The following ZDHHC5 variants were observed in gnomAD, a reference collection of about 807,000 sequenced individuals.
The protein encoded by ZDHHC5 is palmitoyltransferase ZDHHC5.
Under a neutral mutation model 70.0 loss-of-function variants are expected in ZDHHC5, and 22 were observed. That is an observed-to-expected ratio of 0.31 (90% CI 0.22 to 0.45). ZDHHC5 has a LOEUF of 0.45. Ranked by LOEUF, ZDHHC5 falls within the 20% of genes least tolerant of loss-of-function variation. The probability of loss-of-function intolerance (pLI) is 1.00; values close to 1 mark genes in which losing one functional copy is unlikely to be tolerated. For synonymous variants in ZDHHC5, 313 were observed against 347.8 expected (o/e 0.90, Z 1.11); for missense variants, 746 against 926.9 (o/e 0.80, Z 2.53).
In ZDHHC5 at chr11:57,695,999, G is replaced by A. The variant is rs1292080932; in HGVS notation, c.965G>A (p.Arg322His). 10 of 1,614,036 alleles carry A rather than the reference G, an allele frequency of 6.2e-6. No individual in the cohort carries two copies. The highest frequency in any genetic ancestry group is 1.6e-4 in the Middle Eastern group (1 of 6,062). Residue 322 changes from arginine to histidine, a missense_variant, in exon 9 of 12, where the codon CGT becomes CAT. By Grantham distance (29) the Arg-to-His change is conservative. Transcript: ENST00000287169. ...CCTCCTCCTAAGCCAGACCTGAGCCGTTACACAGGGTTGCGAACACACCTC... is the reference window on the plus strand; with the variant it reads ...CCTCCTCCTAAGCCAGACCTGAGCCATTACACAGGGTTGCGAACACACCTC... Reference protein sequence around the residue: ...PPPPPKPDLSRYTGLRTHLGL... With the variant: ...PPPPPKPDLSHYTGLRTHLGL...
intron 2 of ZDHHC5, among the ~76,000 whole-genome samples, chr11:57,681,974 A>G (rs1407772996): frequency 6.6e-6 from 1 of 152,240 alleles, no homozygotes; most frequent in African/African-American, 2.4e-5. Flanking sequence ...CTAGAAAGGT[A>G]GGTGGTATCC....
intron 3 of ZDHHC5, among the ~76,000 whole-genome samples, chr11:57,683,998 G>A (rs908946386): frequency 6.3e-5 from 9 of 142,566 alleles, no homozygotes; most frequent in African/African-American, 2.1e-4. Context: ...TTGAGACAGC[G>A]TCTCACTCTG....
At chr11:57,689,303 A>T (rs1036786345) in intron 4 of ZDHHC5, among the ~76,000 whole-genome samples, 1 of 152,136 alleles carries the variant, frequency 6.6e-6, no homozygotes, top group Non-Finnish European at 1.5e-5. Flanking sequence ...AACCTCTGAC[A>T]TTCGTCACTT....
rs755071307 is a variant in ZDHHC5 at position 57,699,417 on chromosome 11, A to C, written c.1981A>C (p.Lys661Gln). 8.3e-6 allele frequency: 13 copies of C among 1,565,664 alleles called. No homozygotes were observed. In the East Asian group the frequency reaches 1.6e-4, roughly 19 times the overall value. Residue 661 changes from lysine to glutamine, a missense_variant and splice_region_variant, in exon 11 of 12, where the codon AAA becomes CAA. This residue lies in a region of ZDHHC5 where 340 missense variants were observed against 350.1 expected (regional missense o/e 0.97). Coordinates refer to ENST00000287169, the MANE Select transcript of ZDHHC5 (RefSeq NM_015457.3). ...GGCCTTGCAGCCATTACTGACACCCAAGTAAGTATTAGTACTATCCTGACC... is the reference window on the plus strand; with the variant it reads ...GGCCTTGCAGCCATTACTGACACCCCAGTAAGTATTAGTACTATCCTGACC... ...EVALQPLLTP[K>Q]DEVQLKTTYS...
chr11:57,695,065 C>G (rs1008412254), intron 8 of ZDHHC5, among the ~76,000 whole-genome samples: 1 of 152,092 alleles, frequency 6.6e-6, no homozygotes, highest in Non-Finnish European at 1.5e-5. Context: ...GAGCTCGAGA[C>G]CAGCCTGACC....
chr11:57,669,864 A>T (rs1243668236), intron 1 of ZDHHC5, among the ~76,000 whole-genome samples: 2 of 152,226 alleles, frequency 1.3e-5, no homozygotes, highest in Non-Finnish European at 2.9e-5. Context: ...TCTGCAGCAC[A>T]TTCTTTTGCT....
At chr11:57,681,545 G>A (rs1245255837) in intron 2 of ZDHHC5, 3 of 152,196 alleles carry the variant, frequency 2.0e-5, no homozygotes, top group Non-Finnish European at 2.9e-5. Flanking sequence ...CAGCTCCCAG[G>A]AAATCAGCAG....
Position 57,699,116 on chromosome 11 carries a change from T to A in ZDHHC5, c.1680T>A (p.Arg560=), listed in dbSNP as rs746936322. ...GCCAGTCACCCCCACTCCCGGGCCG[T>A]GAGGAAGAACCAGGCTTGGGGGACT... is the stretch of plus-strand genomic sequence containing the variant. ...LLRQSPPLPG[R]EEEPGLGDSG... Residue 560 remains arginine, a synonymous_variant, in exon 11 of 12, where the codon CGT becomes CGA. Coordinates refer to ENST00000287169, the MANE Select transcript of ZDHHC5 (RefSeq NM_015457.3). The A allele has an allele frequency of 5.1e-5, 83 of 1,613,914 alleles. No individual in the cohort carries two copies. The highest frequency in any genetic ancestry group is 7.0e-5 in the Non-Finnish European group (83 of 1,179,974).
chr11:57,674,161 C>T (rs1364179511), intron 2 of ZDHHC5, among the ~76,000 whole-genome samples: 4 of 152,086 alleles, frequency 2.6e-5, no homozygotes, highest in African/African-American at 7.2e-5. Flanking sequence ...CAGTAATTTT[C>T]CCATTACTTG....
At chr11:57,670,637 A>G (rs1037913815) in intron 1 of ZDHHC5, among the ~76,000 whole-genome samples, 8 of 152,078 alleles carry the variant, frequency 5.3e-5, no homozygotes, top group Non-Finnish European at 8.8e-5. Flanking sequence ...CTAGGACTAT[A>G]ACAGTTTCTT....
intron 8 of ZDHHC5, among the ~76,000 whole-genome samples, chr11:57,695,419 CA>C (rs1048034452): frequency 1.0e-4 from 15 of 144,552 alleles, no homozygotes; most frequent in South Asian, 4.3e-4. Context: ...GACTCCATTT[CA>C]AAAAAAAAAA....
At chr11:57,686,598 G>A (rs1946210863) in intron 3 of ZDHHC5, among the ~76,000 whole-genome samples, 2 of 152,056 alleles carry the variant, frequency 1.3e-5, no homozygotes, top group African/African-American at 4.8e-5. Flanking sequence ...TTACAGGCAT[G>A]AGCCACTGTG....
At chr11:57,685,904 G>A (rs1026822062) in intron 3 of ZDHHC5, among the ~76,000 whole-genome samples, 1 of 152,056 alleles carries the variant, frequency 6.6e-6, no homozygotes, top group Non-Finnish European at 1.5e-5. Context: ...GCGCATGCCT[G>A]TAATCCCAGC....
At chr11:57,683,331 T>A (rs1946171027) in intron 3 of ZDHHC5, among the ~76,000 whole-genome samples, 1 of 152,230 alleles carries the variant, frequency 6.6e-6, no homozygotes, top group Admixed American at 6.5e-5. Context: ...AGCTACCTTT[T>A]GGGAGGCTGT....
intron 3 of ZDHHC5, among the ~76,000 whole-genome samples, chr11:57,687,766 T>TTG (rs1236775239): frequency 8.5e-6 from 1 of 117,078 alleles, no homozygotes; most frequent in East Asian, 6.5e-4. Flanking sequence ...GTTTTTTTTT[T>TTG]TTTTTTTTTT....
rs1946025962 is a variant in ZDHHC5 at position 57,673,030 on chromosome 11, G to T, written c.-61G>T. 5.9e-6 allele frequency: 9 copies of T among 1,536,626 alleles called. No homozygotes were observed. Among genetic ancestry groups the T allele is most frequent in the Non-Finnish European group, 7.2e-6 (8 of 1,111,456 alleles). On this transcript the variant is annotated 5_prime_UTR_variant, in exon 2 of 12. Transcript: ENST00000287169. ...CTTCCCTCCTCCCATTTTCTTGTCT[G>T]TTCTGCCGCTGTGTGGGCCTGGGCT...
chr11:57,696,765 T>C lies in ZDHHC5; in HGVS notation c.1014T>C (p.Ser338=), dbSNP rs1304698113. The C allele has an allele frequency of 1.2e-6, 2 of 1,613,674 alleles. No individual in the cohort carries two copies. The highest frequency in any genetic ancestry group is 1.7e-6 in the Non-Finnish European group (2 of 1,179,676). Reference sequence around the variant, plus strand: ...CCTTGGCCTTTTTTCTTGCAGATAGTAGCTTATTGGCCAAGGACAGCCCCC... The same window carrying C: ...CCTTGGCCTTTTTTCTTGCAGATAGCAGCTTATTGGCCAAGGACAGCCCCC... ...THLGLATNED[S]SLLAKDSPPT... The change falls in exon 10 of 12, where the codon AGT becomes AGC. Residue 338 remains serine, a synonymous_variant. Coordinates refer to ENST00000287169, the MANE Select transcript of ZDHHC5 (RefSeq NM_015457.3).
At chr11:57,688,466 G>A (rs540660109) in intron 3 of ZDHHC5, 42 bp from the exon 4 acceptor site, 21 of 1,505,460 alleles carry the variant, frequency 1.4e-5, no homozygotes, top group Non-Finnish European at 1.9e-5. Flanking sequence ...ACTTACTACA[G>A]TTCTGGCATA....
intron 2 of ZDHHC5, among the ~76,000 whole-genome samples, chr11:57,677,566 C>T (rs754882855): frequency 5.9e-5 from 9 of 152,030 alleles, no homozygotes; most frequent in Middle Eastern, 3.2e-3. Flanking sequence ...GGATTACAGT[C>T]GTGAGCCACC....
Sources: allele counts gnomAD v4.1 joint callset (sites outside exome capture counted in the v4.1 genomes callset), GRCh38; gene constraint gnomAD v4.1.1; regional missense constraint gnomAD v4.1.1; transcripts MANE v1.5; gene names NCBI Gene and HGNC (gene_info 2026-07-23, HGNC 2026-07-21).